The following NXPH2 variants were observed in gnomAD, a reference collection of about 807,000 sequenced individuals.
NXPH2 encodes neurexophilin-2.
A neutral mutation model predicts 19.8 loss-of-function variants in NXPH2; 5 were observed. The observed-to-expected ratio is 0.25, with a 90% CI of 0.13 to 0.53. NXPH2 has a LOEUF of 0.53. Ranked by LOEUF, NXPH2 falls within the 20% of genes least tolerant of loss-of-function variation. The pLI, the probability that NXPH2 is intolerant of heterozygous loss-of-function variation, is 0.96. For missense variants in NXPH2, 289 were observed against 322.8 expected (o/e 0.90, Z 0.80); for synonymous variants, 154 against 127.4 (o/e 1.21, Z -1.41).
intron 1 of NXPH2, among the ~76,000 whole-genome samples, chr2:138,764,673 C>T (rs927199713): frequency 6.6e-6 from 1 of 152,098 alleles, no homozygotes; most frequent in African/African-American, 2.4e-5. Context: ...ATGATGGTCA[C>T]AAATTATATA....
chr2:138,761,330 C>T (rs1021864230), intron 1 of NXPH2, among the ~76,000 whole-genome samples: 1 of 152,164 alleles, frequency 6.6e-6, no homozygotes, highest in African/African-American at 2.4e-5. Flanking sequence ...CCAATGGCTG[C>T]CAACTACTCT....
intron 1 of NXPH2, among the ~76,000 whole-genome samples, chr2:138,700,465 TA>T (rs1489115179): frequency 6.6e-6 from 1 of 152,200 alleles, no homozygotes; most frequent in African/African-American, 2.4e-5. Context: ...ATGATACCAT[TA>T]ATTTCTGAAA....
Position 138,693,326 on chromosome 2 carries a change from G to A in NXPH2, c.52-21661C>T, listed in dbSNP as rs560105441. 3.9e-5 allele frequency among the ~76,000 whole-genome samples: 6 copies of A among 152,284 alleles called. No homozygotes were observed. The East Asian group carries it at 1.2e-3, about 29-fold the overall frequency. Reference sequence around the variant, plus strand: ...TCCATCACCTGCCTTTGGTCAGATTGAAAACATAAGCTAAGACTTATGTTT... The same window carrying A: ...TCCATCACCTGCCTTTGGTCAGATTAAAAACATAAGCTAAGACTTATGTTT... On this transcript the variant is annotated intron_variant, in intron 1 of 1. Transcript: ENST00000272641.
At chr2:138,763,495 T>C (rs1682048580) in intron 1 of NXPH2, among the ~76,000 whole-genome samples, 1 of 152,210 alleles carries the variant, frequency 6.6e-6, no homozygotes, top group African/African-American at 2.4e-5. Context: ...TGTTGTTGAC[T>C]GAATATCAAA....
At chr2:138,705,771 A>G (rs1680998891) in intron 1 of NXPH2, among the ~76,000 whole-genome samples, 1 of 149,714 alleles carries the variant, frequency 6.7e-6, no homozygotes, top group African/African-American at 2.4e-5. Context: ...CTCTCTTTCT[A>G]GAGTCTTACA....
chr2:138,779,281 C>A (rs755149823), intron 1 of NXPH2, among the ~76,000 whole-genome samples: 1 of 152,144 alleles, frequency 6.6e-6, no homozygotes, highest in African/African-American at 2.4e-5. Flanking sequence ...GCTGACCCAG[C>A]CAAAGCACTC....
At chr2:138,738,457 C>A (rs1199223311) in intron 1 of NXPH2, among the ~76,000 whole-genome samples, 4 of 151,992 alleles carry the variant, frequency 2.6e-5, no homozygotes, top group Non-Finnish European at 4.4e-5. Context: ...CTTTATCTAG[C>A]CTTTAGAGAT....
At chr2:138,683,620 C>A (rs192173347) in intron 1 of NXPH2, among the ~76,000 whole-genome samples, 1 of 152,292 alleles carries the variant, frequency 6.6e-6, no homozygotes, top group Non-Finnish European at 1.5e-5. Context: ...CACATACTCA[C>A]TGTGATGGTG....
In NXPH2 at chr2:138,679,286, T is replaced by G. The variant is rs984691062; in HGVS notation, c.52-7621A>C. Among the ~76,000 whole-genome samples the G allele has an allele frequency of 1.1e-4, 16 of 152,330 alleles. 1 individual carries two copies. The South Asian group carries it at 2.1e-3, about 20-fold the overall frequency. Reference sequence around the variant, plus strand: ...CTTACAGATACACTAAGAGAAGAGATATTGCCACCACCCTTGCTGTCCTAG... The same window carrying G: ...CTTACAGATACACTAAGAGAAGAGAGATTGCCACCACCCTTGCTGTCCTAG... On this transcript the variant is annotated intron_variant, in intron 1 of 1. Transcript: ENST00000272641.
intron 1 of NXPH2, among the ~76,000 whole-genome samples, chr2:138,732,470 TCTC>T (rs989300411): frequency 6.6e-6 from 1 of 152,120 alleles, no homozygotes; most frequent in South Asian, 2.1e-4. Context: ...CAGGAGATGA[TCTC>T]CTCTGAAATC....
intron 1 of NXPH2, among the ~76,000 whole-genome samples, chr2:138,774,613 A>G (rs1432791044): frequency 6.6e-6 from 1 of 152,212 alleles, no homozygotes; most frequent in Admixed American, 6.5e-5. Flanking sequence ...TTATAGATGA[A>G]AGTTCTCAGG....
At chr2:138,751,732 C>T (rs1211830815) in intron 1 of NXPH2, among the ~76,000 whole-genome samples, 1 of 152,028 alleles carries the variant, frequency 6.6e-6, no homozygotes, top group Non-Finnish European at 1.5e-5. Flanking sequence ...GTGTATTAAC[C>T]TTTATGGTTA....
At position 138,715,454 on chromosome 2, in the gene NXPH2, A is replaced by T. The variant is rs1184704383; in HGVS notation, c.52-43789T>A. Among the ~76,000 whole-genome samples the T allele has an allele frequency of 1.3e-5, 2 of 152,244 alleles. 1 individual carries two copies. The highest frequency in any genetic ancestry group is 3.8e-4 in the East Asian group (2 of 5,200). On this transcript the variant is annotated intron_variant, in intron 1 of 1. Coordinates refer to ENST00000272641, the MANE Select transcript of NXPH2 (RefSeq NM_007226.3). The stretch of plus-strand genomic sequence containing the variant: ...TTTTTAAATAAATGTATTGAATATA[A>T]CAAACATCACAATAGCAGGGTGAAT...
At chr2:138,682,507 T>C (rs1269099533) in intron 1 of NXPH2, among the ~76,000 whole-genome samples, 3 of 152,222 alleles carry the variant, frequency 2.0e-5, no homozygotes, top group Non-Finnish European at 4.4e-5. Flanking sequence ...TACCTATTAA[T>C]ATTTTGTGGC....
intron 1 of NXPH2, among the ~76,000 whole-genome samples, chr2:138,759,789 GC>G (rs1681978991): frequency 6.8e-6 from 1 of 147,090 alleles, no homozygotes; most frequent in Non-Finnish European, 1.5e-5. Context: ...GAGTGCAGTA[GC>G]GCAATCTCGG....
intron 1 of NXPH2, among the ~76,000 whole-genome samples, chr2:138,758,580 C>T (rs920373286): frequency 6.6e-6 from 1 of 152,168 alleles, no homozygotes; most frequent in African/African-American, 2.4e-5. Context: ...CCTGCTCCCA[C>T]CATGGGACTT....
In NXPH2 at chr2:138,738,260, T is replaced by C. The variant is rs75215805; in HGVS notation, c.51+41931A>G. On this transcript the variant is annotated intron_variant, in intron 1 of 1. Coordinates refer to ENST00000272641, the MANE Select transcript of NXPH2 (RefSeq NM_007226.3). ...CTTTATTACTTTCTAAAATTTATTT[T>C]CTTCATCTGTAAAATGGGAATAATA... Among the ~76,000 whole-genome samples, 191 of 152,338 alleles carry C rather than the reference T, an allele frequency of 1.3e-3. 5 individuals are homozygous for C. The East Asian group carries it at 0.035, about 28-fold the overall frequency.
chr2:138,715,603 G>C (rs751971595), intron 1 of NXPH2, among the ~76,000 whole-genome samples: 2 of 152,196 alleles, frequency 1.3e-5, no homozygotes, highest in Non-Finnish European at 2.9e-5. Flanking sequence ...ATGTGGACAG[G>C]TGGGTTTCCC....
chr2:138,685,318 C>G (rs144646065), intron 1 of NXPH2, among the ~76,000 whole-genome samples: 1 of 152,250 alleles, frequency 6.6e-6, no homozygotes, highest in African/African-American at 2.4e-5. Flanking sequence ...AGATATCTAC[C>G]TCTCTATCTT....
Sources: allele counts gnomAD v4.1 joint callset (sites outside exome capture counted in the v4.1 genomes callset), GRCh38; gene constraint gnomAD v4.1.1; transcripts MANE v1.5; gene names NCBI Gene and HGNC (gene_info 2026-07-23, HGNC 2026-07-21).